Variants in ST6GALNAC3 observed in about 807,000 individuals in gnomAD.
The protein encoded by ST6GALNAC3 is alpha-N-acetylgalactosaminide alpha-2,6-sialyltransferase 3.
A neutral mutation model predicts 32.7 loss-of-function variants in ST6GALNAC3; 25 were observed. That is an observed-to-expected ratio of 0.76 (90% CI 0.56 to 1.07). The LOEUF is 1.07. Among genes scored for constraint, ST6GALNAC3 ranks in the 50% least tolerant of loss-of-function variants. The pLI, the probability that ST6GALNAC3 is intolerant of heterozygous loss-of-function variation, is 0.00. For missense variants in ST6GALNAC3, 355 were observed against 382.4 expected (o/e 0.93, Z 0.60); for synonymous variants, 129 against 133.1 (o/e 0.97, Z 0.21).
intron 2 of ST6GALNAC3, among the ~76,000 whole-genome samples, chr1:76,330,058 C>T (rs1340210342): frequency 1.3e-5 from 2 of 152,136 alleles, no homozygotes; most frequent in African/African-American, 4.8e-5. Flanking sequence ...ATTCACCTGC[C>T]TCCCAAAGTG....
intron 3 of ST6GALNAC3, among the ~76,000 whole-genome samples, chr1:76,443,518 C>G (rs1656761707): frequency 6.6e-6 from 1 of 152,200 alleles, no homozygotes; most frequent in South Asian, 2.1e-4. Flanking sequence ...GATGCTATTG[C>G]AGGGTCCAAG....
chr1:76,107,709 G>C (rs941033451), intron 1 of ST6GALNAC3, among the ~76,000 whole-genome samples: 6 of 152,092 alleles, frequency 3.9e-5, no homozygotes, highest in South Asian at 2.1e-4. Context: ...ACAGCCCTGC[G>C]GGTGAACACT....
At chr1:76,314,289 T>C (rs1010270150) in intron 2 of ST6GALNAC3, among the ~76,000 whole-genome samples, 1 of 152,084 alleles carries the variant, frequency 6.6e-6, no homozygotes, top group African/African-American at 2.4e-5. Flanking sequence ...ATCTCTCCAT[T>C]TAGAAGCTCT....
chr1:76,491,565 G>A, intron 3 of ST6GALNAC3, among the ~76,000 whole-genome samples: 1 of 152,212 alleles, frequency 6.6e-6, no homozygotes, highest in Non-Finnish European at 1.5e-5. Flanking sequence ...CATTCTGAGT[G>A]CCTTGTTTGT....
rs960633104 is a variant in ST6GALNAC3 at position 76,509,066 on chromosome 1, G to C, written c.623+96649G>C. On this transcript the variant is annotated intron_variant, in intron 3 of 4. Transcript: ENST00000328299. This position sits in a 1 kb window ranked among gnomAD's most constrained non-coding sequence, Gnocchi z 5.5. ...TGAACAGCTTGTCATTTTTCAACTCGTCGATAAATGGGAATGGAATTATTT... is the reference window on the plus strand; with the variant it reads ...TGAACAGCTTGTCATTTTTCAACTCCTCGATAAATGGGAATGGAATTATTT... Among the ~76,000 whole-genome samples the C allele has an allele frequency of 6.6e-6, 1 of 152,136 alleles. No individual in the cohort carries two copies. The highest frequency in any genetic ancestry group is 1.5e-5 in the Non-Finnish European group (1 of 68,028).
At chr1:76,140,236 A>T (rs289687) in intron 1 of ST6GALNAC3, among the ~76,000 whole-genome samples, 140,119 of 152,280 alleles carry the variant, frequency 0.92, 65,216 homozygotes, top group Non-Finnish European at 0.99. Flanking sequence ...AGCAGAGAGA[A>T]GTTTTGCATT....
intron 3 of ST6GALNAC3, among the ~76,000 whole-genome samples, chr1:76,551,797 A>G (rs1664650649): frequency 6.6e-6 from 1 of 152,086 alleles, no homozygotes; most frequent in Non-Finnish European, 1.5e-5. Flanking sequence ...GTATGCTTGT[A>G]TTCATTAACC....
At chr1:76,534,447 C>T (rs1456276457) in intron 3 of ST6GALNAC3, among the ~76,000 whole-genome samples, 1 of 152,184 alleles carries the variant, frequency 6.6e-6, no homozygotes, top group Non-Finnish European at 1.5e-5. Flanking sequence ...CGAGATCCCT[C>T]TCACCCCCTG....
At chr1:76,245,180 A>G (rs1657187702) in intron 1 of ST6GALNAC3, among the ~76,000 whole-genome samples, 1 of 152,130 alleles carries the variant, frequency 6.6e-6, no homozygotes, top group African/African-American at 2.4e-5. Flanking sequence ...TGTGTCCAGG[A>G]ATTTATCCAT....
rs530276571 is a variant in ST6GALNAC3, at chr1:76,141,950, T to C, written c.18+67066T>C. Among the ~76,000 whole-genome samples the C allele has an allele frequency of 2.0e-5, 3 of 152,330 alleles. No individual in the cohort carries two copies. In the South Asian group the frequency reaches 6.2e-4, roughly 32 times the overall value. On this transcript the variant is annotated intron_variant, in intron 1 of 4. Transcript: ENST00000328299. ...AATATACTCACAAGACAAAGTCCTG[T>C]GCTCATTGGCACCTGATCAAGTGCT...
intron 2 of ST6GALNAC3, among the ~76,000 whole-genome samples, chr1:76,341,101 T>C (rs928031301): frequency 6.6e-6 from 1 of 151,632 alleles, no homozygotes; most frequent in African/African-American, 2.4e-5. Flanking sequence ...ATTATATGGA[T>C]ACATTGCGCG....
chr1:76,230,115 C>A (rs1205265003), intron 1 of ST6GALNAC3, among the ~76,000 whole-genome samples: 1 of 152,146 alleles, frequency 6.6e-6, no homozygotes, highest in Non-Finnish European at 1.5e-5. Flanking sequence ...GAATGCAGTA[C>A]AACAGGAGTG....
intron 1 of ST6GALNAC3, among the ~76,000 whole-genome samples, chr1:76,313,045 A>T (rs1292402783): frequency 1.3e-5 from 2 of 151,490 alleles, no homozygotes; most frequent in South Asian, 2.1e-4. Context: ...GCTTGGCATA[A>T]TTTTTTTTTC....
intron 3 of ST6GALNAC3, among the ~76,000 whole-genome samples, chr1:76,607,110 C>T (rs1279355942): frequency 1.3e-5 from 2 of 152,120 alleles, no homozygotes; most frequent in African/African-American, 2.4e-5. Flanking sequence ...GAATGGCTCA[C>T]AGCACTTAGG....
chr1:76,477,019 T>G (rs1053664130), intron 3 of ST6GALNAC3, among the ~76,000 whole-genome samples: 1 of 152,160 alleles, frequency 6.6e-6, no homozygotes, highest in Non-Finnish European at 1.5e-5. Flanking sequence ...GTTAGTCTTG[T>G]CTCTCTGACT....
At chr1:76,241,621 A>T (rs1037776059) in intron 1 of ST6GALNAC3, among the ~76,000 whole-genome samples, 5 of 152,192 alleles carry the variant, frequency 3.3e-5, no homozygotes. Context: ...ACAAATATCC[A>T]AACTATAGCA....
At chr1:76,300,410 C>T (rs991850036) in intron 1 of ST6GALNAC3, among the ~76,000 whole-genome samples, 5 of 151,816 alleles carry the variant, frequency 3.3e-5, no homozygotes, top group Admixed American at 1.3e-4. Flanking sequence ...CAAGGTCCCT[C>T]GGTTATCATT....
At chr1:76,272,280 G>A (rs973042621) in intron 1 of ST6GALNAC3, among the ~76,000 whole-genome samples, 4 of 142,254 alleles carry the variant, frequency 2.8e-5, no homozygotes, top group Non-Finnish European at 4.5e-5. Flanking sequence ...CCGAGATCGC[G>A]CCACTGCATT....
chr1:76,192,508 C>G (rs1339587922), intron 1 of ST6GALNAC3, among the ~76,000 whole-genome samples: 2 of 152,196 alleles, frequency 1.3e-5, no homozygotes, highest in Non-Finnish European at 2.9e-5. Context: ...ATTTTATTAT[C>G]TCAACCCACA....
Sources: gnomAD v4.1 joint callset for allele counts (sites outside exome capture counted in the v4.1 genomes callset) on GRCh38, gnomAD v4.1.1 for gene constraint, Gnocchi (gnomAD v3.1) non-coding constraint, MANE v1.5 for transcripts, NCBI Gene and HGNC (gene_info 2026-07-23, HGNC 2026-07-21) for gene names.